Variants in ZZEF1 observed in about 807,000 individuals in gnomAD.
The protein encoded by ZZEF1 is zinc finger ZZ-type and EF-hand domain containing 1.
Under a neutral mutation model 342.8 loss-of-function variants are expected in ZZEF1, and 157 were observed. The ratio of observed to expected loss-of-function variants is 0.46; its 90% CI spans 0.40 to 0.52. ZZEF1 has a LOEUF of 0.52. ZZEF1 is among the 20% of genes least tolerant of loss of function. The probability of loss-of-function intolerance (pLI) is 0.00; values close to 1 mark genes in which losing one functional copy is unlikely to be tolerated. For synonymous variants in ZZEF1, 1,505 were observed against 1,429.1 expected (o/e 1.05, Z -1.20); for missense variants, 3,480 against 3,725.6 (o/e 0.93, Z 1.72).
At chr17:4,038,787 C>G (rs2056732856) in intron 39 of ZZEF1, among the ~76,000 whole-genome samples, 1 of 151,358 alleles carries the variant, frequency 6.6e-6, no homozygotes, top group South Asian at 2.1e-4. Flanking sequence ...GCCTGGGCAA[C>G]AGAGCAAGAC....
chr17:4,114,604 C>G, intron 3 of ZZEF1, 134 bp from the exon 4 acceptor site: 2 of 717,090 alleles, frequency 2.8e-6, no homozygotes, highest in Non-Finnish European at 4.1e-6. Context: ...AAATCTCCTT[C>G]CAGATCCTTT....
Position 4,013,591 on chromosome 17 carries a change from A to T in ZZEF1, c.8437T>A (p.Leu2813Met). Residue 2813 changes from leucine to methionine, a missense_variant, in exon 52 of 55, where the codon TTG (leucine) becomes ATG (methionine). By Grantham distance (15) the Leu-to-Met change is conservative. This residue lies in a region of ZZEF1 where 1,269 missense variants were observed against 1,342.4 expected (regional missense o/e 0.95). Transcript: ENST00000381638. ...QTGFEILKQM[L>M]SEERVVPHLP... ...TGAGGCACGACCCTTTCTTCTGACA[A>T]CATCTGCTTCAAAATCTCGAATCCT... The T allele has an allele frequency of 6.2e-7, 1 of 1,613,076 alleles. No individual in the cohort carries two copies. Among genetic ancestry groups the T allele is most frequent in the Non-Finnish European group, 8.5e-7 (1 of 1,179,394 alleles).
rs768697200 is a variant in ZZEF1, at chr17:4,034,137, G to C, written c.6462C>G (p.Ala2154=). 1.2e-6 allele frequency: 2 copies of C among 1,614,158 alleles called. No individual in the cohort carries two copies. The highest frequency in any genetic ancestry group is 1.1e-5 in the South Asian group (1 of 91,084). The change falls in exon 40 of 55, where the codon GCC becomes GCG. Residue 2154 remains alanine (A), a synonymous_variant. Coordinates refer to ENST00000381638, the MANE Select transcript of ZZEF1 (RefSeq NM_015113.4). ...IIRLLPAEVD[A]AVIKVLSAKH... ...TGGCTGAGAGGACTTTGATCACTGC[G>C]GCGTCTACCTCTGCTGGCAAAAGAC...
intron 42 of ZZEF1, among the ~76,000 whole-genome samples, chr17:4,027,974 G>T (rs970664995): frequency 6.6e-6 from 1 of 152,036 alleles, no homozygotes; most frequent in African/African-American, 2.4e-5. Flanking sequence ...TTTTCTTAAT[G>T]ATTTCATTTT....
intron 8 of ZZEF1, among the ~76,000 whole-genome samples, 175 bp downstream of exon 8, chr17:4,104,458 C>G (rs891229123): frequency 6.6e-6 from 1 of 152,170 alleles, no homozygotes; most frequent in African/African-American, 2.4e-5. Flanking sequence ...TCCCCCTTCT[C>G]CCTGCCAATC....
rs2058891509 is a variant in ZZEF1 at position 4,142,862 on chromosome 17, C to T, written c.34G>A (p.Glu12Lys). Residue 12 changes from glutamate to lysine, a missense_variant, in exon 1 of 55, where the codon GAA becomes AAA. By Grantham distance (56) the Glu-to-Lys change is moderately conservative. This residue lies in a region of ZZEF1 where 416 missense variants were observed against 374.2 expected (regional missense o/e 1.11). Transcript: ENST00000381638. ...CCCTCGCCACCGGCAGCTGCCGCTTCGTCTTCACTGCTGTGACTCGGAGCG... is the reference window on the plus strand; with the variant it reads ...CCCTCGCCACCGGCAGCTGCCGCTTTGTCTTCACTGCTGTGACTCGGAGCG... ...GNAPSHSSED[E>K]AAAAGGEGWG... The T allele has an allele frequency of 1.4e-6, 2 of 1,393,168 alleles. No individual in the cohort carries two copies. The highest frequency in any genetic ancestry group is 3.6e-5 in the Admixed American group (1 of 27,620). The allele number at this position is 1,393,168 out of a possible 1,614,324, so 86.3% of individuals were successfully genotyped here.
rs1209057283 is a variant in ZZEF1 at position 4,070,773 on chromosome 17, G to C, written c.3986C>G (p.Ala1329Gly). 1 of 1,614,138 alleles carries C rather than the reference G, an allele frequency of 6.2e-7. No homozygotes were observed. The highest frequency in any genetic ancestry group is 2.2e-5 in the East Asian group (1 of 44,876). The change falls in exon 26 of 55, where the codon GCT becomes GGT. Residue 1329 changes from alanine (A) to glycine (G), a missense_variant. Physicochemically the swap from Ala to Gly is moderately conservative, Grantham distance 60. Around this residue, in one of 5 missense-constraint regions of ZZEF1, gnomAD observed 1,528 missense variants for 1,624.1 expected, o/e 0.94. Transcript: ENST00000381638. Reference protein sequence around the residue: ...RKQAPKTDIVAGSTIDQAVNA... With the variant: ...RKQAPKTDIVGGSTIDQAVNA... ...CACAGCTTGATCAATAGTGGAACCA[G>C]CAACTATATCTGTCTTTGGGGCCTG...
At chr17:4,034,929 T>G (rs2056628695) in intron 39 of ZZEF1, among the ~76,000 whole-genome samples, 2 of 152,096 alleles carry the variant, frequency 1.3e-5, no homozygotes, top group Admixed American at 1.3e-4. Context: ...GCCCAGGAGG[T>G]GGAGGCTGCA....
chr17:4,008,595 C>A lies in ZZEF1; in HGVS notation c.8805+288G>T. ...TAAAAATATGTGAAATCTAACTCCA[C>A]GGAAACTTCAAGAATCAGCCAAACT... On this transcript the variant is annotated intron_variant, in intron 54 of 54. Coordinates refer to ENST00000381638, the MANE Select transcript of ZZEF1 (RefSeq NM_015113.4). The surrounding 1 kb of genome is among the most constrained non-coding windows in gnomAD (Gnocchi z 4.2). 1 of 1,145,380 alleles carries A rather than the reference C, an allele frequency of 8.7e-7. No homozygotes were observed. The highest frequency in any genetic ancestry group is 1.1e-6 in the Non-Finnish European group (1 of 931,534). The allele number at this position is 1,145,380 out of a possible 1,614,324, so 71.0% of individuals were successfully genotyped here.
At chr17:4,111,447 C>T (rs1219110426) in intron 5 of ZZEF1, among the ~76,000 whole-genome samples, 1 of 152,024 alleles carries the variant, frequency 6.6e-6, no homozygotes. Flanking sequence ...ATCATGAGGT[C>T]AGTAGTTCGA....
chr17:4,098,380 C>G (rs2058075096), intron 9 of ZZEF1, among the ~76,000 whole-genome samples: 1 of 152,032 alleles, frequency 6.6e-6, no homozygotes, highest in African/African-American at 2.4e-5. Context: ...ACACTTCACT[C>G]CAGTCTGGGC....
intron 18 of ZZEF1, 61 bp from the exon 19 acceptor site, chr17:4,078,103 A>C: frequency 1.3e-6 from 2 of 1,544,534 alleles, no homozygotes; most frequent in Non-Finnish European, 1.8e-6. Flanking sequence ...AGCATAGCCA[A>C]GGGCATCCTC....
At chr17:4,129,139 G>A (rs961479271) in intron 1 of ZZEF1, among the ~76,000 whole-genome samples, 6 of 152,140 alleles carry the variant, frequency 3.9e-5, no homozygotes, top group African/African-American at 4.8e-5. Flanking sequence ...CTTTTAAAGT[G>A]TATAATTCAG....
rs2055892170 is a variant in ZZEF1, at chr17:4,009,586, C to T, written c.8733+18G>A. 6.2e-7 allele frequency: 1 copy of T among 1,612,054 alleles called. No homozygotes were observed. ...CACATGGAGGCACCGGGCTCCCTGCCCAGACCTCAGGCCTCACCTGGGCAC... is the reference window on the plus strand; with the variant it reads ...CACATGGAGGCACCGGGCTCCCTGCTCAGACCTCAGGCCTCACCTGGGCAC... On this transcript the variant is annotated intron_variant, in intron 53 of 54. Transcript: ENST00000381638.
intron 16 of ZZEF1, among the ~76,000 whole-genome samples, chr17:4,083,035 C>T (rs551845678): frequency 6.6e-6 from 1 of 152,300 alleles, no homozygotes; most frequent in East Asian, 1.9e-4. Context: ...CTCTGCCTCC[C>T]AAAGTGCTGG....
At chr17:4,088,269 C>T (rs8082227) in intron 13 of ZZEF1, among the ~76,000 whole-genome samples, 20,315 of 152,142 alleles carry the variant, frequency 0.13, 1,565 homozygotes, top group East Asian at 0.18. Flanking sequence ...ATTTTTGATT[C>T]GAAATCCTGC....
rs2144910150 is a variant in ZZEF1 at position 4,008,323 on chromosome 17, C to A, written c.8805+560G>T. The A allele has an allele frequency of 1.2e-4, 18 of 150,040 alleles. No individual in the cohort carries two copies. Among genetic ancestry groups the A allele is most frequent in the Non-Finnish European group, 2.6e-4 (18 of 68,786 alleles). The allele number at this position is 150,040 out of a possible 1,614,324, so 9.3% of individuals were successfully genotyped here. ...GTTTTGAAAAGTTAGAGTCGTTTTT[C>A]ACAAGACGTGTTATTCATGTTAACA... On this transcript the variant is annotated intron_variant, in intron 54 of 54. Transcript: ENST00000381638. The surrounding 1 kb of genome is among the most constrained non-coding windows in gnomAD (Gnocchi z 4.2).
intron 52 of ZZEF1, 42 bp from the exon 53 acceptor site, chr17:4,009,799 A>G (rs1378574954): frequency 1.2e-6 from 2 of 1,601,084 alleles, no homozygotes; most frequent in African/African-American, 2.7e-5. Flanking sequence ...ACTGAGAGCC[A>G]TGCCAAGGTC....
In ZZEF1 at chr17:4,027,594, CTT is replaced by C. The variant is rs35210596; in HGVS notation, c.6893-2478_6893-2477del. ...ACAGGCATGAGCCACTGTGCCCTGC[CTT>C]TTTTTTTTTTTTTTTTTTAAAGAGA... is the stretch of plus-strand genomic sequence containing the variant. On this transcript the variant is annotated intron_variant, in intron 42 of 54. Transcript: ENST00000381638. Among the ~76,000 whole-genome samples, 590 of 119,680 alleles carry C rather than the reference CTT, an allele frequency of 4.9e-3. 7 individuals are homozygous for C. The highest frequency in any genetic ancestry group is 0.019 in the African/African-American group (561 of 29,384). 78.5% of individuals were successfully genotyped at this position (119,680 alleles called of 152,430 possible).
Sources: allele counts gnomAD v4.1 joint callset (sites outside exome capture counted in the v4.1 genomes callset), GRCh38; gene constraint gnomAD v4.1.1; regional missense constraint gnomAD v4.1.1; non-coding constraint Gnocchi (gnomAD v3.1); transcripts MANE v1.5; gene names NCBI Gene and HGNC (gene_info 2026-07-23, HGNC 2026-07-21).